Variants in SH3BP4 observed in about 807,000 individuals in gnomAD.
SH3BP4 encodes SH3 domain-binding protein 4.
Under a neutral mutation model 65.5 loss-of-function variants are expected in SH3BP4, and 33 were observed. The observed-to-expected ratio is 0.50, with a 90% confidence interval of 0.38 to 0.67. The LOEUF (loss-of-function observed/expected upper bound fraction) is 0.67, where lower values mean the gene tolerates loss of function less well. SH3BP4 is among the 30% of genes least tolerant of loss of function. The probability of loss-of-function intolerance (pLI) is 0.00; values close to 1 mark genes in which losing one functional copy is unlikely to be tolerated. For synonymous variants in SH3BP4, 552 were observed against 545.5 expected (o/e 1.01, Z -0.17); for missense variants, 1,134 against 1,261.4 (o/e 0.90, Z 1.53).
chr2:235,042,566 C>T lies in SH3BP4; in HGVS notation c.1797C>T (p.Ala599=). 1 of 1,614,076 alleles carries T rather than the reference C, an allele frequency of 6.2e-7. No homozygotes were observed. The highest frequency in any genetic ancestry group is 1.3e-5 in the African/African-American group (1 of 75,014). ...LRVQVKDDQE[A]ILTQFCVQTP... is the part of the protein sequence containing the mutation. ...TTCAGGTGAAGGACGACCAGGAGGC[C>T]ATCCTCACCCAGTTTTGTGTCCAGA... The change falls in exon 4 of 6, where the codon GCC becomes GCT. Residue 599 remains alanine (A), a synonymous_variant. Transcript: ENST00000392011. The surrounding 1 kb of genome is among the most constrained non-coding windows in gnomAD (Gnocchi z 7.3).
At chr2:234,964,787 T>G (rs1423987626) in intron 1 of SH3BP4, among the ~76,000 whole-genome samples, 2 of 152,112 alleles carry the variant, frequency 1.3e-5, no homozygotes, top group African/African-American at 2.4e-5. Flanking sequence ...CGCTTTGAAC[T>G]TGTATCTAAG....
intron 1 of SH3BP4, among the ~76,000 whole-genome samples, chr2:234,988,867 C>G (rs1340434042): frequency 6.6e-6 from 1 of 152,152 alleles, no homozygotes; most frequent in African/African-American, 2.4e-5. Flanking sequence ...ATCACATTCT[C>G]TGTAAAATTG....
At position 235,041,800 on chromosome 2, in the gene SH3BP4, G is replaced by A; in HGVS notation, c.1031G>A (p.Gly344Asp). 3 of 1,594,736 alleles carry A rather than the reference G, an allele frequency of 1.9e-6. No homozygotes were observed. Among genetic ancestry groups the A allele is most frequent in the Non-Finnish European group, 2.6e-6 (3 of 1,168,890 alleles). Residue 344 changes from glycine (G) to aspartate (D), a missense_variant, in exon 4 of 6, where the codon GGC (glycine) becomes GAC (aspartate). Transcript: ENST00000392011. This position sits in a 1 kb window ranked among gnomAD's most constrained non-coding sequence, Gnocchi z 6.0. The part of the protein sequence containing the change: ...DTSISIHVPE[G>D]HVAPGETQQI... The stretch of plus-strand genomic sequence containing the variant: ...AGCATCAGCATCCACGTGCCCGAGG[G>A]CCACGTCGCCCCTGGGGAGACCCAG...
chr2:235,038,291 T>TATATATA (rs1695472198), intron 3 of SH3BP4, among the ~76,000 whole-genome samples: 1 of 19,308 alleles, frequency 5.2e-5, no homozygotes, highest in African/African-American at 6.7e-4. Context: ...TTATATATAA[T>TATATATA]ATATATATTA....
intron 1 of SH3BP4, among the ~76,000 whole-genome samples, chr2:234,985,536 ACT>A (rs1431046822): frequency 6.6e-6 from 1 of 151,620 alleles, no homozygotes. Flanking sequence ...GTCGTTTTTC[ACT>A]CTCTGTGCAC....
At chr2:234,969,969 ACT>A (rs1488874444) in intron 1 of SH3BP4, among the ~76,000 whole-genome samples, 11 of 149,194 alleles carry the variant, frequency 7.4e-5, no homozygotes, top group African/African-American at 1.3e-4. Context: ...ACACACACAC[ACT>A]CTCACACACA....
At position 234,952,129 on chromosome 2, in the gene SH3BP4, G is replaced by C. The variant is rs919825167; in HGVS notation, c.-248G>C. 2.0e-5 allele frequency: 3 copies of C among 149,036 alleles called. No homozygotes were observed. The highest frequency in any genetic ancestry group is 1.8e-4 in the South Asian group (1 of 5,504). The allele number at this position is 149,036 out of a possible 1,614,324, so 9.2% of individuals were successfully genotyped here. A position where few individuals can be genotyped will look rare whatever the true frequency, so the allele number is the denominator to read the frequency against. Reference sequence around the variant, plus strand: ...CGGCTGGGCCGAGCCGCTGGCCGACGAGCGGAGCCTCAGGAGCCGGCGGGG... The same window carrying C: ...CGGCTGGGCCGAGCCGCTGGCCGACCAGCGGAGCCTCAGGAGCCGGCGGGG... On this transcript the variant is annotated 5_prime_UTR_variant, in exon 1 of 6. Transcript: ENST00000392011. This position sits in a 1 kb window ranked among gnomAD's most constrained non-coding sequence, Gnocchi z 6.5.
intron 2 of SH3BP4, among the ~76,000 whole-genome samples, chr2:235,011,314 C>T (rs1030931584): frequency 3.9e-5 from 6 of 152,194 alleles, no homozygotes; most frequent in Non-Finnish European, 7.3e-5. Context: ...AAAATATCTG[C>T]CTTCATTGTT....
chr2:234,965,787 G>C (rs114739058), intron 1 of SH3BP4, among the ~76,000 whole-genome samples: 3 of 152,118 alleles, frequency 2.0e-5, no homozygotes, highest in African/African-American at 7.2e-5. Context: ...AGTAACATTC[G>C]GGACAAAATT....
rs377667134 is a variant in SH3BP4 at position 235,042,813 on chromosome 2, G to A, written c.2044G>A (p.Gly682Arg). Residue 682 changes from glycine (G) to arginine (R), a missense_variant, in exon 4 of 6, where the codon GGG becomes AGG. By Grantham distance (125) the Gly-to-Arg change is moderately radical. Coordinates refer to ENST00000392011, the MANE Select transcript of SH3BP4 (RefSeq NM_014521.3). This position sits in a 1 kb window ranked among gnomAD's most constrained non-coding sequence, Gnocchi z 7.3. ...HYLLEYKKGD[G>R]IALLSEERVR... ...CCTGCTGGAGTACAAGAAGGGCGAC[G>A]GGATCGCCCTGCTCAGCGAGGAGCG... The A allele has an allele frequency of 1.6e-5, 26 of 1,614,012 alleles. No homozygotes were observed. The highest frequency in any genetic ancestry group is 1.6e-5 in the Non-Finnish European group (19 of 1,180,012).
chr2:234,996,869 CAGG>C (rs1693937479), intron 2 of SH3BP4, among the ~76,000 whole-genome samples: 1 of 152,222 alleles, frequency 6.6e-6, no homozygotes, highest in African/African-American at 2.4e-5. Context: ...CTGAGCAAAG[CAGG>C]AGGAGGTTAA....
At chr2:234,969,118 G>A (rs947276177) in intron 1 of SH3BP4, among the ~76,000 whole-genome samples, 3 of 152,202 alleles carry the variant, frequency 2.0e-5, no homozygotes, top group African/African-American at 7.2e-5. Context: ...CCCCCAGGGC[G>A]CCTCTTCCCC....
rs1695676623 is a variant in SH3BP4 at position 235,042,144 on chromosome 2, A to G, written c.1375A>G (p.Ser459Gly). The G allele has an allele frequency of 6.2e-7, 1 of 1,614,042 alleles. No individual in the cohort carries two copies. The highest frequency in any genetic ancestry group is 8.5e-7 in the Non-Finnish European group (1 of 1,180,030). The change falls in exon 4 of 6, where the codon AGC (serine) becomes GGC (glycine). Residue 459 changes from serine to glycine, a missense_variant. Physicochemically the swap from Ser to Gly is moderately conservative, Grantham distance 56. Coordinates refer to ENST00000392011, the MANE Select transcript of SH3BP4 (RefSeq NM_014521.3). This position sits in a 1 kb window ranked among gnomAD's most constrained non-coding sequence, Gnocchi z 7.3. The stretch of plus-strand genomic sequence containing the variant: ...CGTGGCTGTCGTGGCCCATGGCCCA[A>G]GCATCCTCTACCCTTCCACCGTGTG... ...MYVAVVAHGP[S>G]ILYPSTVWDF...
chr2:235,006,464 G>A (rs189998221), intron 2 of SH3BP4, among the ~76,000 whole-genome samples: 14 of 151,888 alleles, frequency 9.2e-5, no homozygotes, highest in East Asian at 5.9e-4. Context: ...AAGCACTCCC[G>A]GAAAGAAGCC....
In SH3BP4 at chr2:235,035,001, A is replaced by AGATGG. The variant is rs1318376165; in HGVS notation, c.-1_4dup. ...GGCTTTACCCGGGAAGCGAGTTTCG[A>AGATGG]GATGGCGGCTCAGCGGATCCGAGCG... is the stretch of plus-strand genomic sequence containing the variant. On this transcript the variant is annotated 5_prime_UTR_variant, in exon 3 of 6. The change creates a new upstream start codon in the 5' untranslated region. Coordinates refer to ENST00000392011, the MANE Select transcript of SH3BP4 (RefSeq NM_014521.3). The surrounding 1 kb of genome is among the most constrained non-coding windows in gnomAD (Gnocchi z 5.0). The AGATGG allele has an allele frequency of 6.2e-7, 1 of 1,613,360 alleles. No individual in the cohort carries two copies. Among genetic ancestry groups the AGATGG allele is most frequent in the Non-Finnish European group, 8.5e-7 (1 of 1,179,578 alleles).
At chr2:234,985,543 G>A (rs1693523144) in intron 1 of SH3BP4, among the ~76,000 whole-genome samples, 1 of 152,048 alleles carries the variant, frequency 6.6e-6, no homozygotes, top group African/African-American at 2.4e-5. Context: ...TTCACTCTCT[G>A]TGCACAGGTG....
rs536987687 is a variant in SH3BP4 at position 235,031,147 on chromosome 2, TG to T, written c.-132-3721del. 3.7e-4 allele frequency among the ~76,000 whole-genome samples: 56 copies of T among 152,192 alleles called. 1 individual carries two copies. In the South Asian group the frequency reaches 0.011, roughly 30 times the overall value. Reference sequence around the variant, plus strand: ...TGGGAACATGATGGCTTCTGGGCCCTGGGAGTGGGACTTCCCTGCTTGGCTT... The same window carrying T: ...TGGGAACATGATGGCTTCTGGGCCCTGGAGTGGGACTTCCCTGCTTGGCTT... On this transcript the variant is annotated intron_variant, in intron 2 of 5. Transcript: ENST00000392011.
chr2:235,038,327 AT>A lies in SH3BP4; in HGVS notation c.119-2560del, dbSNP rs1695485309. 3.3e-4 allele frequency among the ~76,000 whole-genome samples: 5 copies of A among 15,134 alleles called. 1 individual carries two copies. The highest frequency in any genetic ancestry group is 1.7e-3 in the African/African-American group (5 of 2,864). 9.9% of individuals were successfully genotyped at this position (15,134 alleles called of 152,430 possible). On this transcript the variant is annotated intron_variant, in intron 3 of 5. Transcript: ENST00000392011. ...TATATATATATTATATATTATATAT[AT>A]ATTATATATAGTATATATATTTTAT...
intron 4 of SH3BP4, among the ~76,000 whole-genome samples, chr2:235,051,786 T>C (rs1696062006): frequency 6.6e-6 from 1 of 151,918 alleles, no homozygotes. Flanking sequence ...AACTGGCCAA[T>C]GTCAGCACCG....
Sources: gnomAD v4.1 joint callset for allele counts (sites outside exome capture counted in the v4.1 genomes callset) on GRCh38, gnomAD v4.1.1 for gene constraint, Gnocchi (gnomAD v3.1) non-coding constraint, MANE v1.5 for transcripts, NCBI Gene and HGNC (gene_info 2026-07-23, HGNC 2026-07-21) for gene names.